The following KDM5B variants were observed in gnomAD, a reference collection of about 807,000 sequenced individuals.
KDM5B encodes lysine demethylase 5B, also known as lysine-specific demethylase 5B.
Under a neutral mutation model 193.4 loss-of-function variants are expected in KDM5B, and 144 were observed. The observed-to-expected ratio is 0.74, with a 90% CI of 0.65 to 0.86. The LOEUF is 0.86. Among genes scored for constraint, KDM5B ranks in the 40% least tolerant of loss-of-function variants. The pLI is 0.00. For synonymous variants in KDM5B, 668 were observed against 682.6 expected, an observed-to-expected ratio of 0.98 and a Z score of 0.33; for missense variants, 1,833 against 1,886.9, an observed-to-expected ratio of 0.97 and a Z score of 0.53.
intron 1 of KDM5B, chr1:202,806,815 G>A (rs12026568): frequency 0.058 from 8,883 of 152,140 alleles, 452 homozygotes; most frequent in East Asian, 0.24. Flanking sequence ...CTACTTAGAA[G>A]TGGGGGTGGG....
chr1:202,745,958 G>A lies in KDM5B; in HGVS notation c.2223C>T (p.Leu741=), dbSNP rs748268957. 1.2e-5 allele frequency: 20 copies of A among 1,613,802 alleles called. No homozygotes were observed. In the South Asian group the frequency reaches 2.1e-4, roughly 17 times the overall value. Residue 741 remains leucine, a synonymous_variant, in exon 16 of 27, where the codon CTC becomes CTT. Coordinates refer to ENST00000367265, the MANE Select transcript of KDM5B (RefSeq NM_006618.5). The part of the protein sequence containing the change: ...KLRYRYTLDD[L]YPMMNALKLR... ...GCTTCAATGCATTCATCATAGGGTA[G>A]AGATCATCCAGCGTGTACCTATACC...
chr1:202,768,206 T>A (rs1326047914), intron 4 of KDM5B, among the ~76,000 whole-genome samples: 1 of 152,178 alleles, frequency 6.6e-6, no homozygotes, highest in Non-Finnish European at 1.5e-5. Context: ...CTAAGCTGGC[T>A]AAAGGAGGGT....
chr1:202,730,983 G>T lies in KDM5B; in HGVS notation c.4102C>A (p.Gln1368Lys). 1 of 1,613,836 alleles carries T rather than the reference G, an allele frequency of 6.2e-7. No homozygotes were observed. The highest frequency in any genetic ancestry group is 8.5e-7 in the Non-Finnish European group (1 of 1,179,834). The change falls in exon 25 of 27, where the codon CAG (glutamine) becomes AAG (lysine). Residue 1368 changes from glutamine to lysine, a missense_variant. Coordinates refer to ENST00000367265, the MANE Select transcript of KDM5B (RefSeq NM_006618.5). ...GGGCTTGGCTTTGCAAGTAAAGTCTGGTAAAGTTCCTGAATTTCAGGAAGG... is the reference window on the plus strand; with the variant it reads ...GGGCTTGGCTTTGCAAGTAAAGTCTTGTAAAGTTCCTGAATTTCAGGAAGG... ...VSLPEIQELY[Q>K]TLLAKPSPAQ...
chr1:202,770,388 C>T (rs1052274150), intron 4 of KDM5B, among the ~76,000 whole-genome samples: 1 of 152,130 alleles, frequency 6.6e-6, no homozygotes, highest in Non-Finnish European at 1.5e-5. Context: ...ATTTAACTTA[C>T]ACCCTACTTC....
chr1:202,729,684 T>C (rs767650049), intron 26 of KDM5B, 23 bp downstream of exon 26: 3 of 1,597,956 alleles, frequency 1.9e-6, no homozygotes, highest in African/African-American at 1.3e-5. Context: ...AAGCACGTCC[T>C]CTATGGCCCA....
chr1:202,758,684 G>A (rs1656118391), intron 8 of KDM5B, among the ~76,000 whole-genome samples, 174 bp from the exon 9 acceptor site: 1 of 152,172 alleles, frequency 6.6e-6, no homozygotes, highest in African/African-American at 2.4e-5. Context: ...TAATAAGCAA[G>A]TGAAATACAT....
At chr1:202,767,128 CAT>C (rs1656500367) in intron 4 of KDM5B, 68 bp from the exon 5 acceptor site, 3 of 1,596,638 alleles carry the variant, frequency 1.9e-6, no homozygotes, top group Non-Finnish European at 2.6e-6. Context: ...TATTGACAAA[CAT>C]ATCTAGCATG....
intron 1 of KDM5B, among the ~76,000 whole-genome samples, chr1:202,783,783 AGGT>A (rs1657296623): frequency 6.6e-6 from 1 of 152,252 alleles, no homozygotes; most frequent in South Asian, 2.1e-4. Flanking sequence ...CAGGAGACTG[AGGT>A]AGGAGAATGG....
intron 1 of KDM5B, among the ~76,000 whole-genome samples, chr1:202,789,851 T>TATGTA (rs1657572549): frequency 2.0e-5 from 3 of 151,998 alleles, no homozygotes; most frequent in Non-Finnish European, 2.9e-5. Context: ...GGCACGTGCC[T>TATGTA]GTAGTCCCAT....
chr1:202,724,606 C>T lies in KDM5B; in HGVS notation c.*4430G>A, dbSNP rs988223390. On this transcript the variant is annotated 3_prime_UTR_variant, in exon 27 of 27. Coordinates refer to ENST00000367265, the MANE Select transcript of KDM5B (RefSeq NM_006618.5). ...GGCCCTCATCCCCAAACTAATTTTTCTCAATTTTAGTGTTTATTAAATGGA... is the reference window on the plus strand; with the variant it reads ...GGCCCTCATCCCCAAACTAATTTTTTTCAATTTTAGTGTTTATTAAATGGA... 5.9e-5 allele frequency: 9 copies of T among 152,146 alleles called. No homozygotes were observed. The highest frequency in any genetic ancestry group is 2.1e-4 in the South Asian group (1 of 4,828). 9.4% of individuals were successfully genotyped at this position (152,146 alleles called of 1,614,324 possible).
intron 1 of KDM5B, chr1:202,795,902 TAATAAAATATAGGG>T (rs1361355623): frequency 2.6e-5 from 4 of 152,232 alleles, no homozygotes; most frequent in African/African-American, 9.6e-5. Context: ...TGTTGGTAAA[TAATAAAATATAGGG>T]AGTAAAATAC....
At chr1:202,776,887 T>C (rs1656979968) in intron 2 of KDM5B, 130 bp downstream of exon 2, 1 of 701,960 alleles carries the variant, frequency 1.4e-6, no homozygotes, top group Middle Eastern at 2.5e-4. Flanking sequence ...AGAAATGTTC[T>C]TATTTGCTCA....
chr1:202,808,355 C>G lies in KDM5B; in HGVS notation c.-50G>C. On this transcript the variant is annotated 5_prime_UTR_variant, in exon 1 of 27. Coordinates refer to ENST00000367265, the MANE Select transcript of KDM5B (RefSeq NM_006618.5). ...GCGAAGGTGGGCTCCGGGACCGAGGCTGCGAGCTCCGCTCGGTCCGAGACC... is the reference window on the plus strand; with the variant it reads ...GCGAAGGTGGGCTCCGGGACCGAGGGTGCGAGCTCCGCTCGGTCCGAGACC... 2 of 1,480,724 alleles carry G rather than the reference C, an allele frequency of 1.4e-6. No individual in the cohort carries two copies. Among genetic ancestry groups the G allele is most frequent in the South Asian group, 2.6e-5 (2 of 75,646 alleles). The allele number at this position is 1,480,724 out of a possible 1,614,324, so 91.7% of individuals were successfully genotyped here.
At chr1:202,785,168 G>A (rs186255788) in intron 1 of KDM5B, among the ~76,000 whole-genome samples, 117 of 152,182 alleles carry the variant, frequency 7.7e-4, no homozygotes, top group Non-Finnish European at 1.5e-3. Flanking sequence ...TACAAAAAGC[G>A]CTGCAACCTC....
intron 4 of KDM5B, 87 bp downstream of exon 4, chr1:202,773,031 A>G (rs2102295948): frequency 9.8e-7 from 1 of 1,021,416 alleles, no homozygotes; most frequent in East Asian, 2.4e-5. Context: ...TCTTCCAAAC[A>G]CAATCAAGGC....
chr1:202,736,170 T>C (rs1184131294), intron 21 of KDM5B, 43 bp downstream of exon 21: 4 of 1,387,974 alleles, frequency 2.9e-6, no homozygotes, highest in Non-Finnish European at 3.9e-6. Flanking sequence ...TTTACCAAAC[T>C]AGGAGATCTA....
At chr1:202,763,541 T>A (rs1275149783) in intron 6 of KDM5B, among the ~76,000 whole-genome samples, 9 of 152,166 alleles carry the variant, frequency 5.9e-5, no homozygotes, top group Non-Finnish European at 1.3e-4. Flanking sequence ...AGTAACTTCT[T>A]AATTTGTATG....
intron 7 of KDM5B, among the ~76,000 whole-genome samples, chr1:202,761,715 G>A (rs547822795): frequency 6.6e-6 from 1 of 152,268 alleles, no homozygotes; most frequent in African/African-American, 2.4e-5. Flanking sequence ...CAAGGAAAGA[G>A]GGCTCAGAAG....
intron 4 of KDM5B, among the ~76,000 whole-genome samples, chr1:202,769,737 AT>A (rs1480580454): frequency 2.0e-5 from 3 of 150,742 alleles, no homozygotes; most frequent in Non-Finnish European, 3.0e-5. Flanking sequence ...AGAGAAAAAA[AT>A]ATTCTGTTTT....
Sources: gnomAD v4.1 joint callset for allele counts (sites outside exome capture counted in the v4.1 genomes callset) on GRCh38, gnomAD v4.1.1 for gene constraint, MANE v1.5 for transcripts, NCBI Gene and HGNC (gene_info 2026-07-23, HGNC 2026-07-21) for gene names.